The following KBTBD12 variants were observed in gnomAD, a reference collection of about 807,000 sequenced individuals.
The protein encoded by KBTBD12 is kelch repeat and BTB domain-containing protein 12.
Under a neutral mutation model 58.7 loss-of-function variants are expected in KBTBD12, and 53 were observed. The observed-to-expected ratio is 0.90, with a 90% CI of 0.72 to 1.14. KBTBD12 has a LOEUF of 1.14. Ranked by LOEUF, KBTBD12 falls within the 50% of genes most tolerant of loss-of-function variation. The pLI, the probability that KBTBD12 is intolerant of heterozygous loss-of-function variation, is 0.00. For synonymous variants in KBTBD12, 236 were observed against 259.8 expected, an observed-to-expected ratio of 0.91 and a Z score of 0.88; for missense variants, 704 against 751.3, an observed-to-expected ratio of 0.94 and a Z score of 0.74.
intron 5 of KBTBD12, among the ~76,000 whole-genome samples, chr3:127,983,205 A>T (rs1940902960): frequency 6.6e-6 from 1 of 152,248 alleles, no homozygotes; most frequent in African/African-American, 2.4e-5. Flanking sequence ...CTTAGAAATC[A>T]GGAACACTGC....
At position 127,963,394 on chromosome 3, in the gene KBTBD12, T is replaced by G. The variant is rs79772468; in HGVS notation, c.1690+8T>G. On this transcript the variant is annotated splice_region_variant and intron_variant, in intron 5 of 5. Transcript: ENST00000405109. ...GGGGATTCCATGGAGCAGGTATGGG[T>G]CCAGTTTTAAACATTTTGTTACCTC... 9 of 1,589,142 alleles carry G rather than the reference T, an allele frequency of 5.7e-6. No individual in the cohort carries two copies. Among genetic ancestry groups the G allele is most frequent in the Non-Finnish European group, 7.7e-6 (9 of 1,167,348 alleles).
At chr3:127,928,989 AAACCTGACAGATTATTTGT>A in intron 3 of KBTBD12, among the ~76,000 whole-genome samples, 1 of 152,320 alleles carries the variant, frequency 6.6e-6, no homozygotes, top group Non-Finnish European at 1.5e-5. Flanking sequence ...CTAGCAGGAG[AAACCTGACAGATTATTTGT>A]AATTAAACTT....
At chr3:127,975,988 C>T (rs1212655165) in intron 5 of KBTBD12, among the ~76,000 whole-genome samples, 2 of 152,158 alleles carry the variant, frequency 1.3e-5, no homozygotes, top group African/African-American at 4.8e-5. Context: ...ATAATGAATA[C>T]CCAGATTCAC....
At chr3:127,968,100 C>T (rs547617319) in intron 5 of KBTBD12, among the ~76,000 whole-genome samples, 3 of 152,192 alleles carry the variant, frequency 2.0e-5, no homozygotes, top group Non-Finnish European at 4.4e-5. Context: ...AGTCAAAAAA[C>T]TGGCATAATA....
At position 127,923,336 on chromosome 3, in the gene KBTBD12, C is replaced by G; in HGVS notation, c.275C>G (p.Ala92Gly). Residue 92 changes from alanine to glycine, a missense_variant, in exon 2 of 6, where the codon GCA becomes GGA. Physicochemically the swap from Ala to Gly is moderately conservative, Grantham distance 60. Transcript: ENST00000405109. Reference protein sequence around the residue: ...VSVLLNYMYNAALEINNANVQ... With the variant: ...VSVLLNYMYNGALEINNANVQ... ...GTGTTATTAAATTACATGTACAATG[C>G]AGCTTTGGAGATCAATAATGCCAAT... The G allele has an allele frequency of 1.2e-6, 2 of 1,613,824 alleles. No homozygotes were observed. The highest frequency in any genetic ancestry group is 4.5e-5 in the East Asian group (2 of 44,882).
chr3:127,935,792 C>T (rs1386896677), intron 4 of KBTBD12, among the ~76,000 whole-genome samples: 1 of 152,014 alleles, frequency 6.6e-6, no homozygotes, highest in African/African-American at 2.4e-5. Context: ...GATTTTCATA[C>T]TGAATAAGAA....
chr3:127,980,019 G>A (rs1213382748), intron 5 of KBTBD12, among the ~76,000 whole-genome samples: 1 of 152,200 alleles, frequency 6.6e-6, no homozygotes, highest in Non-Finnish European at 1.5e-5. Context: ...TAAGTCTTGG[G>A]TTAAAGCAGA....
At chr3:127,963,630 A>AGTTTGTT in intron 5 of KBTBD12, 2 of 457,914 alleles carry the variant, frequency 4.4e-6, no homozygotes, top group South Asian at 3.2e-5. Context: ...ACCACCCTGA[A>AGTTTGTT]CACACCTGGT....
intron 4 of KBTBD12, among the ~76,000 whole-genome samples, chr3:127,946,904 C>A (rs994861574): frequency 1.3e-5 from 2 of 152,190 alleles, no homozygotes; most frequent in African/African-American, 4.8e-5. Context: ...ATTCAGACTG[C>A]TGTTAACCCA....
intron 5 of KBTBD12, among the ~76,000 whole-genome samples, chr3:127,979,355 A>T (rs1371398636): frequency 6.6e-6 from 1 of 152,242 alleles, no homozygotes; most frequent in Non-Finnish European, 1.5e-5. Context: ...AGGAAGTAAG[A>T]GTGAACACTT....
chr3:127,971,819 G>C (rs117680419), intron 5 of KBTBD12, among the ~76,000 whole-genome samples: 3 of 152,114 alleles, frequency 2.0e-5, no homozygotes, highest in African/African-American at 7.2e-5. Context: ...CTAACTTCTA[G>C]GGGACCCAAA....
At chr3:127,978,145 A>G (rs907428516) in intron 5 of KBTBD12, among the ~76,000 whole-genome samples, 1 of 152,142 alleles carries the variant, frequency 6.6e-6, no homozygotes, top group African/African-American at 2.4e-5. Flanking sequence ...GTAGGTGTGC[A>G]GCATTATTTC....
rs1412269760 is a variant in KBTBD12, at chr3:127,923,060, T to A, written c.-2T>A. ...TTAGTTGGAAACTTTGGAGAGTAGA[T>A]CATGGAGTGCAAGATTGAGGGAAAA... On this transcript the variant is annotated 5_prime_UTR_variant, in exon 2 of 6. Transcript: ENST00000405109. The A allele has an allele frequency of 6.3e-7, 1 of 1,575,574 alleles. No individual in the cohort carries two copies. The highest frequency in any genetic ancestry group is 1.7e-5 in the Admixed American group (1 of 59,702).
Position 127,923,214 on chromosome 3 carries a change from A to G in KBTBD12, c.153A>G (p.Ala51=). The change falls in exon 2 of 6, where the codon GCA becomes GCG. Residue 51 remains alanine, a synonymous_variant. Coordinates refer to ENST00000405109, the MANE Select transcript of KBTBD12 (RefSeq NM_207335.4). ...CTTGCCACAGACTGGTCCTGGCTGCATTTAGCCCTTATTTCAAAGCTATGT... is the reference window on the plus strand; with the variant it reads ...CTTGCCACAGACTGGTCCTGGCTGCGTTTAGCCCTTATTTCAAAGCTATGT... ...KFPCHRLVLA[A]FSPYFKAMFT... is the part of the protein sequence containing the mutation. 1 of 1,613,898 alleles carries G rather than the reference A, an allele frequency of 6.2e-7. No individual in the cohort carries two copies. The highest frequency in any genetic ancestry group is 8.5e-7 in the Non-Finnish European group (1 of 1,179,802).
chr3:127,950,624 T>C (rs1940182888), intron 4 of KBTBD12, among the ~76,000 whole-genome samples: 1 of 152,106 alleles, frequency 6.6e-6, no homozygotes, highest in Non-Finnish European at 1.5e-5. Context: ...AAAGATGCGC[T>C]CTATGCCCAG....
chr3:127,976,898 G>A (rs1214261738), intron 5 of KBTBD12, among the ~76,000 whole-genome samples: 2 of 152,094 alleles, frequency 1.3e-5, no homozygotes, highest in African/African-American at 4.8e-5. Context: ...ACATGTGCAG[G>A]TTTGTTATAT....
intron 5 of KBTBD12, among the ~76,000 whole-genome samples, chr3:127,964,690 A>G (rs1398765995): frequency 6.6e-6 from 1 of 151,952 alleles, no homozygotes; most frequent in East Asian, 1.9e-4. Flanking sequence ...TGAAAATGAT[A>G]TACTGTCTGA....
rs746354197 is a variant in KBTBD12 at position 127,923,975 on chromosome 3, C to T, written c.914C>T (p.Ser305Leu). ...GCCAGTTTTTGTTATGATCCTGTAT[C>T]ACGGAAAACCTATTTCATCTCATCT... ...GDASFCYDPV[S>L]RKTYFISSPK... The change falls in exon 2 of 6, where the codon TCA becomes TTA. Residue 305 changes from serine to leucine, a missense_variant. Coordinates refer to ENST00000405109, the MANE Select transcript of KBTBD12 (RefSeq NM_207335.4). 1 of 1,613,862 alleles carries T rather than the reference C, an allele frequency of 6.2e-7. No individual in the cohort carries two copies. Among genetic ancestry groups the T allele is most frequent in the Non-Finnish European group, 8.5e-7 (1 of 1,179,808 alleles).
At chr3:127,939,590 A>G (rs1939905670) in intron 4 of KBTBD12, among the ~76,000 whole-genome samples, 1 of 152,188 alleles carries the variant, frequency 6.6e-6, no homozygotes, top group Non-Finnish European at 1.5e-5. Context: ...TGTAATCCCA[A>G]AAGAAATGCT....
Sources: allele counts gnomAD v4.1 joint callset (sites outside exome capture counted in the v4.1 genomes callset), GRCh38; gene constraint gnomAD v4.1.1; transcripts MANE v1.5; gene names NCBI Gene and HGNC (gene_info 2026-07-23, HGNC 2026-07-21).